Variants in C9orf153 observed in about 807,000 individuals in gnomAD.
C9orf153 encodes uncharacterized protein C9orf153.
In C9orf153, 10 loss-of-function variants were observed where a neutral mutation model predicts 9.0. That is an observed-to-expected ratio of 1.11 (90% CI 0.69 to 1.89). The LOEUF (loss-of-function observed/expected upper bound fraction) is 1.89. Among genes scored for constraint, C9orf153 ranks in the 40% most tolerant of loss-of-function variants. C9orf153 has a pLI of 0.00. For synonymous variants in C9orf153, 35 were observed against 37.3 expected (o/e 0.94, Z 0.23); for missense variants, 108 against 111.0 (o/e 0.97, Z 0.12).
chr9:86,231,754 T>G (rs1824475795), intron 1 of C9orf153, among the ~76,000 whole-genome samples: 1 of 151,932 alleles, frequency 6.6e-6, no homozygotes. Context: ...CACAGACCTG[T>G]TTATCTCTAG....
chr9:86,240,632 C>G (rs1417087192), intron 1 of C9orf153, among the ~76,000 whole-genome samples: 1 of 151,480 alleles, frequency 6.6e-6, no homozygotes, highest in Admixed American at 6.6e-5. Flanking sequence ...CTTGCCTCAG[C>G]CTCCCAAAGT....
At chr9:86,229,661 T>C in intron 1 of C9orf153, 32 bp from the exon 2 acceptor site, 3 of 1,298,958 alleles carry the variant, frequency 2.3e-6, no homozygotes, top group Non-Finnish European at 3.3e-6. Flanking sequence ...AAGACAAAAA[T>C]CAAAGATTAA....
intron 1 of C9orf153, among the ~76,000 whole-genome samples, chr9:86,249,892 A>G (rs1209432530): frequency 6.6e-6 from 1 of 152,210 alleles, no homozygotes; most frequent in Non-Finnish European, 1.5e-5. Flanking sequence ...ATCAACTGAC[A>G]AAAGGCAGAT....
chr9:86,252,945 TG>T (rs1432897235), intron 1 of C9orf153, among the ~76,000 whole-genome samples: 1 of 152,198 alleles, frequency 6.6e-6, no homozygotes, highest in Non-Finnish European at 1.5e-5. Context: ...ACTTTTTGTT[TG>T]AAACATTGCT....
At chr9:86,227,676 T>A in intron 3 of C9orf153, 179 bp downstream of exon 3, 1 of 985,308 alleles carries the variant, frequency 1.0e-6, no homozygotes, top group Non-Finnish European at 1.2e-6. Context: ...GCCAAGGCAT[T>A]CGAGTGATCG....
intron 2 of C9orf153, 54 bp downstream of exon 2, chr9:86,229,484 T>C: frequency 8.0e-7 from 1 of 1,242,796 alleles, no homozygotes; most frequent in Non-Finnish European, 1.2e-6. Context: ...TGTTTATGAT[T>C]CTTGAATGTA....
intron 1 of C9orf153, among the ~76,000 whole-genome samples, chr9:86,233,463 C>A (rs920050319): frequency 5.3e-5 from 8 of 152,178 alleles, no homozygotes; most frequent in African/African-American, 1.9e-4. Flanking sequence ...CTCACCCAGG[C>A]TGGAGTGCAG....
chr9:86,253,952 A>G (rs919675894), intron 1 of C9orf153, among the ~76,000 whole-genome samples: 1 of 152,040 alleles, frequency 6.6e-6, no homozygotes, highest in Non-Finnish European at 1.5e-5. Flanking sequence ...TTAGCTGGGC[A>G]TGGTGGCATG....
intron 1 of C9orf153, among the ~76,000 whole-genome samples, chr9:86,254,031 C>T (rs1278437763): frequency 1.4e-5 from 2 of 143,594 alleles, no homozygotes; most frequent in African/African-American, 5.2e-5. Flanking sequence ...GCAGAGGTTG[C>T]AGTGAGCCGA....
At chr9:86,255,293 C>G (rs556288274) in intron 1 of C9orf153, among the ~76,000 whole-genome samples, 1 of 152,098 alleles carries the variant, frequency 6.6e-6, no homozygotes, top group East Asian at 1.9e-4. Context: ...TATTTTACCC[C>G]CAAAATATCC....
chr9:86,258,906 T>G (rs1018873023), intron 1 of C9orf153, among the ~76,000 whole-genome samples: 1 of 152,086 alleles, frequency 6.6e-6, no homozygotes, highest in South Asian at 2.1e-4. Flanking sequence ...TATCAATGCA[T>G]GGTTACTAAC....
At chr9:86,228,822 C>T (rs557667655) in intron 2 of C9orf153, 24 of 177,306 alleles carry the variant, frequency 1.4e-4, no homozygotes, top group Admixed American at 7.6e-4. Flanking sequence ...AGTGAGCTAA[C>T]GCGTGGGAAA....
chr9:86,228,190 A>G (rs540960845), intron 2 of C9orf153, among the ~76,000 whole-genome samples, 160 bp from the exon 3 acceptor site: 1 of 152,316 alleles, frequency 6.6e-6, no homozygotes, highest in African/African-American at 2.4e-5. Context: ...AAGCAAGTCA[A>G]TTGTGGCAAT....
At chr9:86,223,234 C>G (rs1013223097) in intron 3 of C9orf153, among the ~76,000 whole-genome samples, 79 of 152,172 alleles carry the variant, frequency 5.2e-4, no homozygotes, top group African/African-American at 1.8e-3. Context: ...AACTCCTGAC[C>G]TCAGGTGACC....
chr9:86,231,315 A>T (rs1824463170), intron 1 of C9orf153, among the ~76,000 whole-genome samples: 1 of 152,160 alleles, frequency 6.6e-6, no homozygotes, highest in Non-Finnish European at 1.5e-5. Flanking sequence ...GATAAACCCC[A>T]TAAAACTTCA....
Position 86,221,370 on chromosome 9 carries a change from ATACCTTCATGTGTGTTGT to A in C9orf153, c.*300_*317del. ...TGTATTAACGGCTTAATTTTACAAT[ATACCTTCATGTGTGTTGT>A]ACACACTCACTTCAGATGTTCTATT... On this transcript the variant is annotated 3_prime_UTR_variant, in exon 4 of 4. Transcript: ENST00000339137. 1 of 288,528 alleles carries A rather than the reference ATACCTTCATGTGTGTTGT, an allele frequency of 3.5e-6. No homozygotes were observed. Among genetic ancestry groups the A allele is most frequent in the Middle Eastern group, 1.0e-3 (1 of 994 alleles). 17.9% of individuals were successfully genotyped at this position (288,528 alleles called of 1,614,324 possible). A position where few individuals can be genotyped will look rare whatever the true frequency, so the allele number is the denominator to read the frequency against.
chr9:86,255,902 A>G (rs1473621442), intron 1 of C9orf153, among the ~76,000 whole-genome samples: 1 of 152,042 alleles, frequency 6.6e-6, no homozygotes, highest in Non-Finnish European at 1.5e-5. Context: ...CAGGTCTTAT[A>G]TTTTGCTCAG....
chr9:86,227,360 C>T, intron 3 of C9orf153: 2 of 1,533,782 alleles, frequency 1.3e-6, no homozygotes, highest in Non-Finnish European at 1.8e-6. Context: ...GAGATGGGGT[C>T]TTTCTATGTT....
In C9orf153 at chr9:86,221,416, G is replaced by T. The variant is rs569036678; in HGVS notation, c.*272C>A. 27 of 553,582 alleles carry T rather than the reference G, an allele frequency of 4.9e-5. No homozygotes were observed. The highest frequency in any genetic ancestry group is 3.7e-4 in the Middle Eastern group (1 of 2,722). 34.3% of individuals were successfully genotyped at this position (553,582 alleles called of 1,614,324 possible). A position where few individuals can be genotyped will look rare whatever the true frequency, so the allele number is the denominator to read the frequency against. ...ACACTCACTTCAGATGTTCTATTGG[G>T]TACTTGGCTTCTTTACTTTTTGTGT... On this transcript the variant is annotated 3_prime_UTR_variant, in exon 4 of 4. Transcript: ENST00000339137.
Sources: allele counts gnomAD v4.1 joint callset (sites outside exome capture counted in the v4.1 genomes callset), GRCh38; gene constraint gnomAD v4.1.1; transcripts MANE v1.5; gene names NCBI Gene and HGNC (gene_info 2026-07-23, HGNC 2026-07-21).